The following CENPH variants were observed in gnomAD, a reference collection of about 807,000 sequenced individuals.
CENPH encodes the protein CENP-H.
Under a neutral mutation model 42.9 loss-of-function variants are expected in CENPH, and 40 were observed. That is an observed-to-expected ratio of 0.93 (90% CI 0.72 to 1.21). CENPH has a LOEUF of 1.21. CENPH is among the 50% of genes most tolerant of loss of function. CENPH has a pLI of 0.00. For synonymous variants in CENPH, 88 were observed against 96.5 expected (o/e 0.91, Z 0.52); for missense variants, 302 against 292.9 (o/e 1.03, Z -0.23).
At chr5:69,195,981 C>T (rs1747957660) in intron 4 of CENPH, among the ~76,000 whole-genome samples, 190 bp downstream of exon 4, 1 of 152,110 alleles carries the variant, frequency 6.6e-6, no homozygotes, top group Non-Finnish European at 1.5e-5. Context: ...CACTCTTGCC[C>T]ACGCTGGAGT....
rs757478868 is a variant in CENPH, at chr5:69,202,609, T to G, written c.435+40T>G. Reference sequence around the variant, plus strand: ...TAGGCTGATTATGCATTCTCATGATTTTACTCTCAACTTCTTGCTGGTAAC... The same window carrying G: ...TAGGCTGATTATGCATTCTCATGATGTTACTCTCAACTTCTTGCTGGTAAC... On this transcript the variant is annotated intron_variant, in intron 6 of 8. Transcript: ENST00000283006. 2.1e-5 allele frequency: 24 copies of G among 1,145,626 alleles called. No homozygotes were observed. In the South Asian group the frequency reaches 3.0e-4, roughly 14 times the overall value. The allele number at this position is 1,145,626 out of a possible 1,614,324, so 71.0% of individuals were successfully genotyped here.
rs1747902459 is a variant in CENPH, at chr5:69,193,031, A to AG, written c.190+1183dup. Among the ~76,000 whole-genome samples the AG allele has an allele frequency of 3.3e-5, 5 of 151,924 alleles. No homozygotes were observed. In the South Asian group the frequency reaches 1.0e-3, roughly 32 times the overall value. ...AGAATCGCTTGAACCTGGGAGGTGG[A>AG]GGTTGCAGTGACGCGAGATCACGCC... On this transcript the variant is annotated intron_variant, in intron 2 of 8. Transcript: ENST00000283006.
intron 3 of CENPH, among the ~76,000 whole-genome samples, chr5:69,195,146 T>C (rs980437038): frequency 6.6e-6 from 1 of 152,148 alleles, no homozygotes; most frequent in Non-Finnish European, 1.5e-5. Context: ...GGAGAATTGC[T>C]TGAACCCGGG....
At chr5:69,189,832 G>A (rs1747834481) in intron 1 of CENPH, 64 bp downstream of exon 1, 2 of 1,407,862 alleles carry the variant, frequency 1.4e-6, no homozygotes, top group Non-Finnish European at 1.9e-6. Context: ...CTCCGCCCTT[G>A]CTCAGAAGGG....
chr5:69,208,879 C>T (rs1172217463), intron 8 of CENPH, among the ~76,000 whole-genome samples: 1 of 151,660 alleles, frequency 6.6e-6, no homozygotes, highest in African/African-American at 2.4e-5. Context: ...TCCATTGCAA[C>T]CTCCTCCTGG....
At chr5:69,199,454 G>T (rs530718599) in intron 5 of CENPH, among the ~76,000 whole-genome samples, 1 of 152,308 alleles carries the variant, frequency 6.6e-6, no homozygotes, top group Non-Finnish European at 1.5e-5. Flanking sequence ...GAGATTACAG[G>T]TGTGAACCAC....
In CENPH at chr5:69,210,251, G is replaced by A. The variant is rs564696106; in HGVS notation, c.*452G>A. On this transcript the variant is annotated 3_prime_UTR_variant, in exon 9 of 9. Transcript: ENST00000283006. ...CTGAGCTCAGGCAGTCCACCGCCTC[G>A]GCCTACCGAAGTGCTAGGATTACAG... The A allele has an allele frequency of 8.5e-5, 13 of 152,276 alleles. No homozygotes were observed. The highest frequency in any genetic ancestry group is 2.6e-4 in the African/African-American group (11 of 41,528). The allele number at this position is 152,276 out of a possible 1,614,324, so 9.4% of individuals were successfully genotyped here. A position where few individuals can be genotyped will look rare whatever the true frequency, so the allele number is the denominator to read the frequency against.
At chr5:69,195,320 C>T (rs544394437) in intron 3 of CENPH, among the ~76,000 whole-genome samples, 4 of 152,262 alleles carry the variant, frequency 2.6e-5, no homozygotes, top group East Asian at 3.9e-4. Flanking sequence ...CCACCTTGGC[C>T]TCCTAAAGTT....
chr5:69,195,697 T>C lies in CENPH; in HGVS notation c.240-20T>C, dbSNP rs1351228487. The C allele has an allele frequency of 4.3e-6, 6 of 1,393,112 alleles. No homozygotes were observed. The highest frequency in any genetic ancestry group is 6.1e-6 in the Non-Finnish European group (6 of 990,424). The allele number at this position is 1,393,112 out of a possible 1,614,324, so 86.3% of individuals were successfully genotyped here. ...TTTTCTGATATTGCTGAAATTCTTT[T>C]GCTCATGTTTCTTTGATAGTAAAAT... On this transcript the variant is annotated intron_variant, in intron 3 of 8. Coordinates refer to ENST00000283006, the MANE Select transcript of CENPH (RefSeq NM_022909.4).
chr5:69,205,478 C>T lies in CENPH; in HGVS notation c.487+2508C>T, dbSNP rs543370068. Among the ~76,000 whole-genome samples the T allele has an allele frequency of 2.0e-5, 3 of 152,206 alleles. No individual in the cohort carries two copies. In the East Asian group the frequency reaches 5.8e-4, roughly 30 times the overall value. ...TCACCTCAAAGTGTTCTCCCCGCCT[C>T]TGCCTCCCAAAGTGCTGGGATTATA... On this transcript the variant is annotated intron_variant, in intron 7 of 8. Coordinates refer to ENST00000283006, the MANE Select transcript of CENPH (RefSeq NM_022909.4).
In CENPH at chr5:69,197,128, C is replaced by G. The variant is rs1286523358; in HGVS notation, c.371+19C>G. ...AGTCTAGGTATGATTTTTTTTTTCT[C>G]TGGATTCGGTAAGGATGGGATCTGC... On this transcript the variant is annotated intron_variant, in intron 5 of 8. Coordinates refer to ENST00000283006, the MANE Select transcript of CENPH (RefSeq NM_022909.4). The G allele has an allele frequency of 3.3e-6, 5 of 1,502,142 alleles. No homozygotes were observed. The highest frequency in any genetic ancestry group is 1.4e-5 in the African/African-American group (1 of 69,396). 93.1% of individuals were successfully genotyped at this position (1,502,142 alleles called of 1,614,324 possible).
chr5:69,195,526 G>C (rs1747949418), intron 3 of CENPH, among the ~76,000 whole-genome samples, 191 bp from the exon 4 acceptor site: 1 of 152,118 alleles, frequency 6.6e-6, no homozygotes, highest in Admixed American at 6.5e-5. Flanking sequence ...CTTTTTATAA[G>C]ATACTAAGTG....
Position 69,189,606 on chromosome 5 carries a change from TGAGTG to T in CENPH, c.-27_-23del. 1 of 1,570,430 alleles carries T rather than the reference TGAGTG, an allele frequency of 6.4e-7. No individual in the cohort carries two copies. The highest frequency in any genetic ancestry group is 8.6e-7 in the Non-Finnish European group (1 of 1,162,316). On this transcript the variant is annotated 5_prime_UTR_variant, in exon 1 of 9. Transcript: ENST00000283006. ...ACCTTTTCTGAGCGCGTTTGCCTGT[TGAGTG>T]GTAGCCTTTCCCCTCAACCAGCAAT... is the stretch of plus-strand genomic sequence containing the variant.
chr5:69,189,888 C>G, intron 1 of CENPH, 120 bp downstream of exon 1: 1 of 1,124,406 alleles, frequency 8.9e-7, no homozygotes, highest in Non-Finnish European at 1.2e-6. Flanking sequence ...TCCGTGATTG[C>G]CTCATTCACT....
chr5:69,209,411 G>A (rs1338692769), intron 8 of CENPH, among the ~76,000 whole-genome samples: 4 of 151,972 alleles, frequency 2.6e-5, no homozygotes, highest in African/African-American at 7.2e-5. Flanking sequence ...GGTGGTGGGC[G>A]CCTGTAATCC....
At chr5:69,199,330 G>A (rs1748017998) in intron 5 of CENPH, among the ~76,000 whole-genome samples, 4 of 151,940 alleles carry the variant, frequency 2.6e-5, no homozygotes, top group East Asian at 1.9e-4. Context: ...GCCCACCACC[G>A]TGCCTGGCTA....
At chr5:69,192,821 G>T (rs1747898121) in intron 2 of CENPH, among the ~76,000 whole-genome samples, 2 of 152,090 alleles carry the variant, frequency 1.3e-5, no homozygotes, top group South Asian at 2.1e-4. Flanking sequence ...ATATGGCTGG[G>T]CTTGGTAGCT....
intron 5 of CENPH, among the ~76,000 whole-genome samples, chr5:69,200,719 C>CTTGTTTTTTTTTTTTTTTTTTTT: frequency 2.1e-5 from 1 of 46,900 alleles, no homozygotes; most frequent in Non-Finnish European, 4.2e-5. Context: ...ATCAGCGTAT[C>CTTGTTTTTTTTTTTTTTTTTTTT]TTTTTTTTTT....
chr5:69,203,790 A>C (rs1748097189), intron 7 of CENPH, among the ~76,000 whole-genome samples: 1 of 151,888 alleles, frequency 6.6e-6, no homozygotes, highest in Non-Finnish European at 1.5e-5. Flanking sequence ...GGCGTGAGCC[A>C]CAGTGCTGTG....
Sources: allele counts gnomAD v4.1 joint callset (sites outside exome capture counted in the v4.1 genomes callset), GRCh38; gene constraint gnomAD v4.1.1; transcripts MANE v1.5; gene names NCBI Gene and HGNC (gene_info 2026-07-23, HGNC 2026-07-21).